Variants in THBS4 observed in about 807,000 individuals in gnomAD.
The protein encoded by THBS4 is thrombospondin 4, also known as thrombospondin-4.
Under a neutral mutation model 115.7 loss-of-function variants are expected in THBS4, and 90 were observed. That is an observed-to-expected ratio of 0.78 (90% CI 0.66 to 0.93). The LOEUF (loss-of-function observed/expected upper bound fraction) is 0.93, where lower values mean the gene tolerates loss of function less well. THBS4 is among the 40% of genes least tolerant of loss of function. The pLI, the probability that THBS4 is intolerant of heterozygous loss-of-function variation, is 0.00. For synonymous variants in THBS4, 460 were observed against 479.3 expected, an observed-to-expected ratio of 0.96 and a Z score of 0.53; for missense variants, 1,087 against 1,232.7, an observed-to-expected ratio of 0.88 and a Z score of 1.77.
rs1159926568 is a variant in THBS4, at chr5:80,055,807, C to T, written c.315C>T (p.Asn105=). ...CAGCCATCCTCCGTTACCTGAAGAA[C>T]GATGGGAAGGTGCATTTGGTGGTTT... ...LNKAILRYLK[N]DGKVHLVVFN... The change falls in exon 3 of 22, where the codon AAC becomes AAT. Residue 105 remains asparagine, a synonymous_variant. Coordinates refer to ENST00000350881, the MANE Select transcript of THBS4 (RefSeq NM_003248.6). The T allele has an allele frequency of 5.6e-6, 9 of 1,613,636 alleles. No homozygotes were observed. In the Admixed American group the frequency reaches 6.7e-5, roughly 12 times the overall value.
intron 20 of THBS4, among the ~76,000 whole-genome samples, chr5:80,080,512 A>T (rs201617602): frequency 1.7e-4 from 5 of 29,324 alleles, no homozygotes; most frequent in South Asian, 2.3e-3. Context: ...CCCTGACTGC[A>T]GCACTATGTC....
intron 2 of THBS4, among the ~76,000 whole-genome samples, chr5:80,027,874 A>G (rs906686517): frequency 3.6e-5 from 5 of 140,532 alleles, no homozygotes; most frequent in African/African-American, 1.4e-4. Flanking sequence ...AGCCTGGGTG[A>G]CAGAGTGAGA....
intron 2 of THBS4, among the ~76,000 whole-genome samples, chr5:80,047,371 T>A (rs1246010169): frequency 6.6e-6 from 1 of 152,124 alleles, no homozygotes; most frequent in African/African-American, 2.4e-5. Context: ...CTGGACCCCG[T>A]TTTTTTGTTT....
chr5:80,041,606 G>A (rs2112036242), intron 2 of THBS4, among the ~76,000 whole-genome samples: 1 of 152,268 alleles, frequency 6.6e-6, no homozygotes, highest in Middle Eastern at 3.4e-3. Context: ...GCCTGTCACT[G>A]GTTTGATCCC....
chr5:80,036,846 A>G (rs1487914293), intron 1 of THBS4, among the ~76,000 whole-genome samples: 1 of 152,216 alleles, frequency 6.6e-6, no homozygotes, highest in Non-Finnish European at 1.5e-5. Flanking sequence ...TTCCTCTTGT[A>G]GCCAGAGCAA....
chr5:80,007,762 G>A lies in THBS4; in HGVS notation n.177+9335G>A, dbSNP rs146671274. Among the ~76,000 whole-genome samples the A allele has an allele frequency of 3.4e-3, 510 of 152,228 alleles. 3 individuals carry two copies. Among genetic ancestry groups the A allele is most frequent in the African/African-American group, 9.7e-3 (402 of 41,526 alleles). On this transcript the variant is annotated intron_variant and non_coding_transcript_variant, in intron 2 of 3. Coordinates refer to the THBS4 transcript ENST00000510218. Reference sequence around the variant, plus strand: ...GCCGGGCTTGTGACCCCTAGCCCTGGGCTCGTGCACATAACACACAGTGCT... The same window carrying A: ...GCCGGGCTTGTGACCCCTAGCCCTGAGCTCGTGCACATAACACACAGTGCT...
chr5:80,072,714 G>T, intron 14 of THBS4: 1 of 334,488 alleles, frequency 3.0e-6, no homozygotes, highest in South Asian at 4.5e-5. Flanking sequence ...GGAGCCTTGT[G>T]TCCCTTTAGT....
chr5:80,068,094 T>C lies in THBS4; in HGVS notation c.1316T>C (p.Ile439Thr), dbSNP rs1401220078. The C allele has an allele frequency of 1.2e-6, 2 of 1,614,066 alleles. No homozygotes were observed. The highest frequency in any genetic ancestry group is 1.1e-5 in the South Asian group (1 of 91,084). ...LNPCSVNAQC[I>T]EERQGDVTCV... Reference sequence around the variant, plus strand: ...CCTTGCAGTGTGAATGCCCAGTGCATTGAAGAGAGGCAGGGGGATGTGACA... The same window carrying C: ...CCTTGCAGTGTGAATGCCCAGTGCACTGAAGAGAGGCAGGGGGATGTGACA... The change falls in exon 10 of 22, where the codon ATT becomes ACT. Residue 439 changes from isoleucine to threonine, a missense_variant. This residue lies in a region of THBS4 where 979 missense variants were observed against 1,103.7 expected (regional missense o/e 0.89). Transcript: ENST00000350881.
intron 15 of THBS4, among the ~76,000 whole-genome samples, chr5:80,073,528 C>T (rs532869238): frequency 5.9e-5 from 9 of 152,146 alleles, no homozygotes; most frequent in South Asian, 4.2e-4. Context: ...GGACTACAGG[C>T]GCCCGCTACC....
At chr5:80,082,360 C>A in intron 20 of THBS4, 46 bp from the exon 21 acceptor site, 1 of 1,606,836 alleles carries the variant, frequency 6.2e-7, no homozygotes, top group Non-Finnish European at 8.5e-7. Context: ...GGCACTTTAC[C>A]CCGGGTTGGA....
intron 2 of THBS4, among the ~76,000 whole-genome samples, chr5:80,020,581 A>G (rs908141637): frequency 7.2e-5 from 11 of 152,214 alleles, no homozygotes; most frequent in African/African-American, 2.4e-4. Context: ...GAGGACTCCA[A>G]CTGTACAAGG....
chr5:80,054,379 G>T (rs1027552541), intron 2 of THBS4, among the ~76,000 whole-genome samples: 2 of 148,344 alleles, frequency 1.3e-5, no homozygotes, highest in South Asian at 4.4e-4. Flanking sequence ...GGAGTGCAGT[G>T]GTGTGATCTT....
chr5:80,034,780 A>G (rs1832656615), upstream of THBS4, among the ~76,000 whole-genome samples: 1 of 152,172 alleles, frequency 6.6e-6, no homozygotes, highest in East Asian at 1.9e-4. Context: ...CTGTGTCTCA[A>G]AATGATAGAG....
At position 80,078,922 on chromosome 5, in the gene THBS4, G is replaced by C; in HGVS notation, c.2267G>C (p.Gly756Ala). Residue 756 changes from glycine to alanine, a missense_variant and splice_region_variant, in exon 18 of 22, where the codon GGC (glycine) becomes GCC (alanine). Around this residue, in one of 3 missense-constraint regions of THBS4, gnomAD observed 979 missense variants for 1,103.7 expected, o/e 0.89. Coordinates refer to ENST00000350881, the MANE Select transcript of THBS4 (RefSeq NM_003248.6). ...IDPNWVVLNQ[G>A]MEIVQTMNSD... is the part of the protein sequence containing the mutation. ...GAACTCCCTCAACTCTCTCTGCAGG[G>C]CATGGAGATTGTACAGACCATGAAC... 2 of 1,613,884 alleles carry C rather than the reference G, an allele frequency of 1.2e-6. No individual in the cohort carries two copies. The highest frequency in any genetic ancestry group is 1.7e-6 in the Non-Finnish European group (2 of 1,179,830).
intron 2 of THBS4, among the ~76,000 whole-genome samples, chr5:80,000,009 TTCA>T (rs1320914082): frequency 6.6e-6 from 1 of 152,206 alleles, no homozygotes; most frequent in Non-Finnish European, 1.5e-5. Context: ...GCTTCCCCTA[TTCA>T]TCAAGGTGCT....
upstream of THBS4, among the ~76,000 whole-genome samples, chr5:80,031,353 G>A (rs1832583785): frequency 6.6e-6 from 1 of 152,230 alleles, no homozygotes; most frequent in South Asian, 2.1e-4. Flanking sequence ...AGGAAGGGAA[G>A]TGGTGGGGCT....
intron 2 of THBS4, among the ~76,000 whole-genome samples, chr5:80,024,863 A>C (rs925761319): frequency 4.6e-5 from 7 of 151,826 alleles, no homozygotes; most frequent in Non-Finnish European, 1.5e-5. Flanking sequence ...TTAGACATTC[A>C]CTCTCCCTAA....
At position 80,059,742 on chromosome 5, in the gene THBS4, TGCCCCCGGCTCCCCCTGCACCGCCAACAC is replaced by T; in HGVS notation, c.829_857del (p.Pro277ThrfsTer5). The T allele has an allele frequency of 6.2e-7, 1 of 1,614,144 alleles. No homozygotes were observed. Among genetic ancestry groups the T allele is most frequent in the Non-Finnish European group, 8.5e-7 (1 of 1,180,018 alleles). On this transcript the variant is annotated frameshift_variant, in exon 7 of 22. Transcript: ENST00000350881. LOFTEE classifies it high-confidence loss of function. Reference sequence around the variant, plus strand: ...CAGTCTCCGACCCCAAGCACGGTGGTGCCCCCGGCTCCCCCTGCACCGCCAACACGCCCACCTCGTCGGTGTGACTCCAA... The same window carrying T: ...CAGTCTCCGACCCCAAGCACGGTGGTGCCCACCTCGTCGGTGTGACTCCAA...
chr5:80,062,997 G>A (rs529542843), intron 8 of THBS4, among the ~76,000 whole-genome samples: 9 of 152,252 alleles, frequency 5.9e-5, no homozygotes, highest in African/African-American at 1.9e-4. Context: ...ATAAATATAC[G>A]TGTCCATGTG....
Sources: allele counts gnomAD v4.1 joint callset (sites outside exome capture counted in the v4.1 genomes callset), GRCh38; gene constraint gnomAD v4.1.1; regional missense constraint gnomAD v4.1.1; transcripts MANE v1.5; gene names NCBI Gene and HGNC (gene_info 2026-07-23, HGNC 2026-07-21).